Variants in PDE10A observed in about 807,000 individuals in gnomAD.
The protein encoded by PDE10A is phosphodiesterase 10A, also known as cAMP and cAMP-inhibited cGMP 3',5'-cyclic phosphodiesterase 10A.
PDE10A carries 39 observed loss-of-function variants against 97.7 expected under a neutral mutation model. The observed-to-expected ratio is 0.40, with a 90% CI of 0.31 to 0.52. The LOEUF is 0.52. Ranked by LOEUF, PDE10A falls within the 20% of genes least tolerant of loss-of-function variation. PDE10A has a pLI of 0.56. For missense variants in PDE10A, 731 were observed against 1,047.8 expected (o/e 0.70, Z 4.17); for synonymous variants, 371 against 376.8 (o/e 0.98, Z 0.18).
intron 1 of PDE10A, among the ~76,000 whole-genome samples, chr6:165,825,164 A>G (rs988924999): frequency 1.9e-4 from 11 of 56,512 alleles, no homozygotes; most frequent in Non-Finnish European, 2.4e-4. Context: ...AAAAAAAAAG[A>G]AAAAGAAAAA....
At chr6:165,488,227 G>C (rs1780029865) in intron 2 of PDE10A, among the ~76,000 whole-genome samples, 1 of 152,026 alleles carries the variant, frequency 6.6e-6, no homozygotes, top group South Asian at 2.1e-4. Flanking sequence ...AATAATTTCA[G>C]AAAATAAATG....
At chr6:165,491,387 C>A (rs1780218849) in intron 2 of PDE10A, among the ~76,000 whole-genome samples, 1 of 152,146 alleles carries the variant, frequency 6.6e-6, no homozygotes, top group African/African-American at 2.4e-5. Flanking sequence ...CATCCTACAA[C>A]AAATGGATTT....
intron 1 of PDE10A, among the ~76,000 whole-genome samples, chr6:165,620,951 G>A (rs1788100554): frequency 6.6e-6 from 1 of 151,268 alleles, no homozygotes; most frequent in Non-Finnish European, 1.5e-5. Context: ...AACCTGGGAG[G>A]CAGAGGTTGC....
At chr6:165,482,057 G>C (rs1202199634) in intron 3 of PDE10A, among the ~76,000 whole-genome samples, 6 of 152,196 alleles carry the variant, frequency 3.9e-5, no homozygotes, top group African/African-American at 1.4e-4. Flanking sequence ...ATTTCTAAAT[G>C]TTGGCAACTG....
chr6:165,741,665 G>A (rs1448433025), intron 1 of PDE10A, among the ~76,000 whole-genome samples: 1 of 151,868 alleles, frequency 6.6e-6, no homozygotes, highest in Admixed American at 6.6e-5. Context: ...TATTATACAG[G>A]GATATATACA....
At chr6:165,650,183 AC>A (rs1270482665) in intron 1 of PDE10A, among the ~76,000 whole-genome samples, 1 of 152,184 alleles carries the variant, frequency 6.6e-6, no homozygotes, top group Non-Finnish European at 1.5e-5. Flanking sequence ...CCTAATGAAC[AC>A]GTGAACAGCA....
At chr6:165,788,192 C>T (rs1778545327) in intron 1 of PDE10A, among the ~76,000 whole-genome samples, 3 of 151,942 alleles carry the variant, frequency 2.0e-5, no homozygotes, top group African/African-American at 7.3e-5. Context: ...AAAATGTAAC[C>T]TTTGTGTGGT....
intron 1 of PDE10A, among the ~76,000 whole-genome samples, chr6:165,547,340 C>T (rs192095947): frequency 6.0e-4 from 91 of 152,138 alleles, no homozygotes; most frequent in African/African-American, 1.9e-3. Context: ...GAGAAGCACA[C>T]GGGTATTGAT....
intron 1 of PDE10A, among the ~76,000 whole-genome samples, chr6:165,881,484 C>T (rs547205612): frequency 1.0e-4 from 15 of 149,270 alleles, no homozygotes; most frequent in Non-Finnish European, 1.8e-4. Context: ...CAATCTCCCC[C>T]TCCTGGGTTC....
chr6:165,459,542 C>T (rs867463980), intron 3 of PDE10A, among the ~76,000 whole-genome samples: 8,556 of 125,614 alleles, frequency 0.068, 758 homozygotes, highest in African/African-American at 0.25. Flanking sequence ...GACAGACAGA[C>T]AGACAGACAG....
rs898640606 is a variant in PDE10A at position 165,869,421 on chromosome 6, A to G, written c.-615+118108T>C. ...AAAAGACATCTACAATAAAAACTAC[A>G]AAACACTGATGAAAGAAATCAAAGA... On this transcript the variant is annotated intron_variant, in intron 1 of 19. Transcript: ENST00000366882. Among the ~76,000 whole-genome samples the G allele has an allele frequency of 2.0e-5, 3 of 152,154 alleles. No homozygotes were observed. In the East Asian group the frequency reaches 5.8e-4, roughly 29 times the overall value.
intron 13 of PDE10A, among the ~76,000 whole-genome samples, chr6:165,398,370 A>T (rs1211980702): frequency 6.6e-6 from 1 of 152,074 alleles, no homozygotes; most frequent in Non-Finnish European, 1.5e-5. Flanking sequence ...AATCCTAGCT[A>T]CTGGGGAGGC....
In PDE10A at chr6:165,823,524, A is replaced by ATATATATATATATATATG. The variant is rs72442429; in HGVS notation, c.-615+164004_-615+164005insCATATATATATATATATA. On this transcript the variant is annotated intron_variant, in intron 1 of 19. Transcript: ENST00000366882. ...TATATATATATATATATATATATAT[A>ATATATATATATATATATG]TGAACCTTAATTATAAATATTATAT... Among the ~76,000 whole-genome samples the ATATATATATATATATATG allele has an allele frequency of 5.4e-3, 429 of 79,398 alleles. 58 individuals are homozygous for ATATATATATATATATATG. The highest frequency in any genetic ancestry group is 0.011 in the Middle Eastern group (1 of 94). 52.1% of individuals were successfully genotyped at this position (79,398 alleles called of 152,430 possible). A position where few individuals can be genotyped will look rare whatever the true frequency, so the allele number is the denominator to read the frequency against.
intron 2 of PDE10A, among the ~76,000 whole-genome samples, chr6:165,537,666 G>C (rs1260778641): frequency 6.6e-6 from 1 of 151,898 alleles, no homozygotes; most frequent in Non-Finnish European, 1.5e-5. Flanking sequence ...ACTCTTTATA[G>C]ATGAATTCGT....
chr6:165,735,368 GGGTA>G (rs138517473), intron 1 of PDE10A, among the ~76,000 whole-genome samples: 37,788 of 146,984 alleles, frequency 0.26, 6,011 homozygotes, highest in Middle Eastern at 0.4. Context: ...ATAGGTGGGT[GGGTA>G]GGTAGGTAGG....
intron 1 of PDE10A, chr6:165,949,921 GA>G (rs1783899325): frequency 6.6e-6 from 1 of 152,110 alleles, no homozygotes; most frequent in African/African-American, 2.4e-5. Context: ...ATCCCTGGGG[GA>G]AAAATGAGAA....
intron 1 of PDE10A, among the ~76,000 whole-genome samples, chr6:165,612,723 A>G (rs895764287): frequency 6.6e-6 from 1 of 152,194 alleles, no homozygotes; most frequent in Non-Finnish European, 1.5e-5. Flanking sequence ...TCAAGAAACA[A>G]TACCAAAATA....
Position 165,379,229 on chromosome 6 carries a change from C to T in PDE10A, c.2748G>A (p.Gln916=). ...GNRKQLEEMY[Q]TGSLNLNNQS... is the part of the protein sequence containing the mutation. ...GATTATTAAGGTTTAGTGATCCGGT[C>T]TGGTACATCTCTTCCAACTGCTTCC... Residue 916 remains glutamine, a synonymous_variant, in exon 18 of 22, where the codon CAG becomes CAA. Coordinates refer to ENST00000539869, the MANE Select transcript of PDE10A (RefSeq NM_001385079.1). 6.2e-7 allele frequency: 1 copy of T among 1,613,360 alleles called. No homozygotes were observed. Among genetic ancestry groups the T allele is most frequent in the South Asian group, 1.1e-5 (1 of 90,952 alleles).
Position 165,450,320 on chromosome 6 carries a change from T to C in PDE10A, c.1066A>G (p.Ser356Gly). The change falls in exon 4 of 22, where the codon AGC becomes GGC. Residue 356 changes from serine to glycine, a missense_variant. Physicochemically the swap from Ser to Gly is moderately conservative, Grantham distance 56. This residue lies in a region of PDE10A where 152 missense variants were observed against 199.3 expected (regional missense o/e 0.76). Transcript: ENST00000539869. ...NMQGVVYELNSYIEQRLDTGG... is the reference protein window; with the variant it reads ...NMQGVVYELNGYIEQRLDTGG... ...GTGTCCAACCGTTGTTCTATATAGC[T>C]GTTTAGTTCATATACAACTCCCTGC... 6.3e-7 allele frequency: 1 copy of C among 1,584,674 alleles called. No homozygotes were observed.
Sources: gnomAD v4.1 joint callset for allele counts (sites outside exome capture counted in the v4.1 genomes callset) on GRCh38, gnomAD v4.1.1 for gene constraint, gnomAD v4.1.1 regional missense constraint, MANE v1.5 for transcripts, NCBI Gene and HGNC (gene_info 2026-07-23, HGNC 2026-07-21) for gene names.